Variants in LDB2 observed in about 807,000 individuals in gnomAD.
LDB2 encodes LIM domain binding 2, also known as LIM domain-binding protein 2.
A neutral mutation model predicts 44.3 loss-of-function variants in LDB2; 12 were observed. The ratio of observed to expected loss-of-function variants is 0.27; its 90% confidence interval spans 0.17 to 0.44. The LOEUF (loss-of-function observed/expected upper bound fraction) is 0.44, where lower values mean the gene tolerates loss of function less well. Ranked by LOEUF, LDB2 falls within the 20% of genes least tolerant of loss-of-function variation. The pLI, the probability that LDB2 is intolerant of heterozygous loss-of-function variation, is 1.00. For synonymous variants in LDB2, 164 were observed against 174.8 expected (o/e 0.94, Z 0.49); for missense variants, 344 against 473.5 (o/e 0.73, Z 2.54).
intron 2 of LDB2, among the ~76,000 whole-genome samples, chr4:16,664,361 T>C (rs1742430451): frequency 6.6e-6 from 1 of 152,144 alleles, no homozygotes; most frequent in Non-Finnish European, 1.5e-5. Flanking sequence ...TAAAGTTCTG[T>C]TGTTTATAAG....
At chr4:16,787,949 C>A (rs1413158870) in intron 1 of LDB2, among the ~76,000 whole-genome samples, 1 of 94,812 alleles carries the variant, frequency 1.1e-5, no homozygotes, top group Non-Finnish European at 3.5e-5. Flanking sequence ...TAAATGAAAC[C>A]AAGTTTGGGG....
At chr4:16,715,995 A>G (rs1757001439) in intron 2 of LDB2, among the ~76,000 whole-genome samples, 1 of 152,118 alleles carries the variant, frequency 6.6e-6, no homozygotes, top group Admixed American at 6.6e-5. Flanking sequence ...TAATTTCTAA[A>G]CACAGATTTC....
At chr4:16,684,180 A>G (rs1007904373) in intron 2 of LDB2, among the ~76,000 whole-genome samples, 1 of 152,246 alleles carries the variant, frequency 6.6e-6, no homozygotes, top group African/African-American at 2.4e-5. Context: ...TCTCTTTTCT[A>G]CAGCAACTTT....
intron 2 of LDB2, among the ~76,000 whole-genome samples, chr4:16,737,448 T>C (rs200906183): frequency 6.6e-6 from 1 of 152,170 alleles, no homozygotes; most frequent in East Asian, 1.9e-4. Context: ...TTTGTGAATT[T>C]ATTCTAATAA....
At chr4:16,888,404 T>A (rs1001443071) in intron 1 of LDB2, among the ~76,000 whole-genome samples, 1 of 152,222 alleles carries the variant, frequency 6.6e-6, no homozygotes, top group African/African-American at 2.4e-5. Context: ...TAGGTATGCC[T>A]AAGAAATAAT....
At chr4:16,716,136 T>G (rs981948950) in intron 2 of LDB2, among the ~76,000 whole-genome samples, 28 of 152,204 alleles carry the variant, frequency 1.8e-4, no homozygotes, top group African/African-American at 6.8e-4. Context: ...GTTTCTATCT[T>G]TTTCTTAAAG....
intron 5 of LDB2, among the ~76,000 whole-genome samples, chr4:16,563,299 A>AT (rs1010239826): frequency 2.6e-5 from 4 of 151,548 alleles, no homozygotes; most frequent in African/African-American, 7.3e-5. Context: ...TCTATCTGTG[A>AT]TTTTTTTATT....
At chr4:16,724,211 T>C (rs1700573091) in intron 2 of LDB2, among the ~76,000 whole-genome samples, 1 of 152,126 alleles carries the variant, frequency 6.6e-6, no homozygotes, top group African/African-American at 2.4e-5. Context: ...GTCAGCTTTC[T>C]GTCCCAAGGT....
chr4:16,732,410 T>C (rs1349392730), intron 2 of LDB2, among the ~76,000 whole-genome samples: 5 of 152,222 alleles, frequency 3.3e-5, no homozygotes, highest in African/African-American at 4.8e-5. Flanking sequence ...TTTGCCACCA[T>C]AGCTTCACTT....
chr4:16,625,454 CT>C (rs2152486732), intron 2 of LDB2, among the ~76,000 whole-genome samples: 1 of 152,264 alleles, frequency 6.6e-6, no homozygotes, highest in East Asian at 1.9e-4. Flanking sequence ...ACTGTAAGCT[CT>C]TTGAAGACAA....
chr4:16,763,531 A>T (rs1768467991), intron 1 of LDB2, among the ~76,000 whole-genome samples: 1 of 151,980 alleles, frequency 6.6e-6, no homozygotes, highest in Admixed American at 6.6e-5. Flanking sequence ...TTAGGAAAGG[A>T]ATAAAAGTAA....
chr4:16,511,646 C>G (rs1276950483), intron 6 of LDB2, among the ~76,000 whole-genome samples: 3 of 152,136 alleles, frequency 2.0e-5, no homozygotes, highest in African/African-American at 7.2e-5. Flanking sequence ...AGCCAGCAGT[C>G]TGGCTCAGTG....
At chr4:16,668,689 C>T (rs1398944579) in intron 2 of LDB2, among the ~76,000 whole-genome samples, 2 of 152,180 alleles carry the variant, frequency 1.3e-5, no homozygotes, top group African/African-American at 4.8e-5. Context: ...TTCTTTAGAG[C>T]AAGTGATAGC....
chr4:16,531,741 C>CT (rs1730223386), intron 5 of LDB2, among the ~76,000 whole-genome samples: 1 of 152,062 alleles, frequency 6.6e-6, no homozygotes, highest in Non-Finnish European at 1.5e-5. Flanking sequence ...GCTGGCATGG[C>CT]TAAATAGATA....
chr4:16,508,773 T>A (rs543813440), intron 6 of LDB2, 87 bp from the exon 7 acceptor site: 7 of 1,309,830 alleles, frequency 5.3e-6, no homozygotes, highest in Admixed American at 2.3e-5. Flanking sequence ...GGAAGCTGTC[T>A]TGGTAAACTG....
At chr4:16,589,033 G>C (rs968711651) in intron 3 of LDB2, among the ~76,000 whole-genome samples, 3 of 152,166 alleles carry the variant, frequency 2.0e-5, no homozygotes, top group African/African-American at 7.2e-5. Context: ...TGACTGTACA[G>C]CTGCTTATTG....
chr4:16,777,372 T>C (rs1474061695), intron 1 of LDB2, among the ~76,000 whole-genome samples: 3 of 151,766 alleles, frequency 2.0e-5, no homozygotes, highest in African/African-American at 7.3e-5. Flanking sequence ...TCAGCCGACA[T>C]GAGGAAACAG....
chr4:16,733,909 G>A (rs1761297720), intron 2 of LDB2, among the ~76,000 whole-genome samples: 1 of 152,082 alleles, frequency 6.6e-6, no homozygotes, highest in Admixed American at 6.5e-5. Flanking sequence ...GTTATTAGTG[G>A]TAACAGATAT....
chr4:16,664,816 G>A (rs951695360), intron 2 of LDB2, among the ~76,000 whole-genome samples: 3 of 152,234 alleles, frequency 2.0e-5, no homozygotes, highest in African/African-American at 7.2e-5. Flanking sequence ...TGTTTCGGGT[G>A]TCGGCTGGAT....
Sources: gnomAD v4.1 joint callset for allele counts (sites outside exome capture counted in the v4.1 genomes callset) on GRCh38, gnomAD v4.1.1 for gene constraint, MANE v1.5 for transcripts, NCBI Gene and HGNC (gene_info 2026-07-23, HGNC 2026-07-21) for gene names.